The following SYNJ2 variants were observed in gnomAD, a reference collection of about 807,000 sequenced individuals.
The protein encoded by SYNJ2 is synaptojanin 2.
A neutral mutation model predicts 141.3 loss-of-function variants in SYNJ2; 116 were observed. The observed-to-expected ratio is 0.82, with a 90% CI of 0.71 to 0.96. The LOEUF is 0.96. Among genes scored for constraint, SYNJ2 ranks in the 40% least tolerant of loss-of-function variants. SYNJ2 has a pLI of 0.00. For synonymous variants in SYNJ2, 745 were observed against 777.7 expected, an observed-to-expected ratio of 0.96 and a Z score of 0.70; for missense variants, 1,873 against 1,934.8, an observed-to-expected ratio of 0.97 and a Z score of 0.60.
At chr6:158,013,974 A>G (rs917191797) in intron 1 of SYNJ2, among the ~76,000 whole-genome samples, 5 of 152,230 alleles carry the variant, frequency 3.3e-5, no homozygotes, top group African/African-American at 1.2e-4. Flanking sequence ...AACACTGTAC[A>G]GATGATTCCT....
chr6:158,051,710 G>A (rs1363396225), intron 5 of SYNJ2, among the ~76,000 whole-genome samples: 1 of 151,720 alleles, frequency 6.6e-6, no homozygotes, highest in East Asian at 1.9e-4. Context: ...ACTTTGAGAG[G>A]CCGAGGTGGG....
At chr6:158,052,003 CCTT>C (rs1375429435) in intron 5 of SYNJ2, among the ~76,000 whole-genome samples, 1 of 151,628 alleles carries the variant, frequency 6.6e-6, no homozygotes, top group Admixed American at 6.6e-5. Context: ...GAAAAGGAAA[CCTT>C]CTCCAAGGAA....
At chr6:158,006,212 C>A (rs1778065781) in intron 1 of SYNJ2, among the ~76,000 whole-genome samples, 1 of 152,158 alleles carries the variant, frequency 6.6e-6, no homozygotes. Flanking sequence ...CACACGCACA[C>A]ACATGCGCAC....
chr6:157,988,285 C>T (rs979167659), intron 1 of SYNJ2, among the ~76,000 whole-genome samples: 10 of 152,154 alleles, frequency 6.6e-5, no homozygotes, highest in Non-Finnish European at 2.9e-5. Context: ...TGGGGGAAGT[C>T]GGGGAAGAGA....
intron 2 of SYNJ2, chr6:158,028,385 G>T: frequency 4.1e-6 from 1 of 246,536 alleles, no homozygotes; most frequent in Non-Finnish European, 8.0e-6. Context: ...GGTAGGTCCT[G>T]GGGGTCTGGA....
intron 2 of SYNJ2, among the ~76,000 whole-genome samples, chr6:158,018,594 G>A (rs1045437720): frequency 5.3e-5 from 8 of 152,168 alleles, no homozygotes; most frequent in Admixed American, 1.3e-4. Flanking sequence ...GAACTGTGAC[G>A]ATTACAGTGA....
chr6:158,095,148 CA>C (rs776140659), intron 26 of SYNJ2, among the ~76,000 whole-genome samples: 1,802 of 113,436 alleles, frequency 0.016, 7 homozygotes, highest in Admixed American at 0.023. Context: ...GACTCCTTCT[CA>C]AAAAAAAAAA....
In SYNJ2 at chr6:158,095,546, A is replaced by G. The variant is rs115253608; in HGVS notation, c.3745-72A>G. The G allele has an allele frequency of 4.1e-4, 610 of 1,503,154 alleles. 2 individuals are homozygous for G. In the African/African-American group the frequency reaches 7.5e-3, roughly 18 times the overall value. 93.1% of individuals were successfully genotyped at this position (1,503,154 alleles called of 1,614,324 possible). A position where few individuals can be genotyped will look rare whatever the true frequency, so the allele number is the denominator to read the frequency against. On this transcript the variant is annotated intron_variant, in intron 26 of 26. Coordinates refer to ENST00000355585, the MANE Select transcript of SYNJ2 (RefSeq NM_003898.4). ...GTCTCATCTCTGTTCTCTGCTGGCCACTCTGTTCTCTGATCCTCAGCTGCC... is the reference window on the plus strand; with the variant it reads ...GTCTCATCTCTGTTCTCTGCTGGCCGCTCTGTTCTCTGATCCTCAGCTGCC...
intron 14 of SYNJ2, among the ~76,000 whole-genome samples, 175 bp downstream of exon 14, chr6:158,069,848 T>G (rs936330870): frequency 2.6e-5 from 4 of 152,198 alleles, no homozygotes; most frequent in African/African-American, 9.7e-5. Flanking sequence ...AATAGAATAT[T>G]GTCTAGCGAT....
At chr6:158,091,507 G>A (rs1783448656) in intron 25 of SYNJ2, among the ~76,000 whole-genome samples, 2 of 151,618 alleles carry the variant, frequency 1.3e-5, no homozygotes, top group Admixed American at 6.6e-5. Context: ...CCAGCGCTTT[G>A]GGAGGCCGAG....
In SYNJ2 at chr6:158,093,059, C is replaced by G; in HGVS notation, c.3699C>G (p.Pro1233=). The change falls in exon 26 of 27, where the codon CCC becomes CCG. Residue 1233 remains proline, a synonymous_variant. Coordinates refer to ENST00000355585, the MANE Select transcript of SYNJ2 (RefSeq NM_003898.4). ...CACTCCTTCCCCGTCGGCCCCCACCCAGAGTTCCTGCCATCAAGAAGCCAA... is the reference window on the plus strand; with the variant it reads ...CACTCCTTCCCCGTCGGCCCCCACCGAGAGTTCCTGCCATCAAGAAGCCAA... The part of the protein sequence containing the change: ...APPLLPRRPP[P]RVPAIKKPTL... The G allele has an allele frequency of 6.2e-7, 1 of 1,608,288 alleles. No homozygotes were observed. The highest frequency in any genetic ancestry group is 8.5e-7 in the Non-Finnish European group (1 of 1,178,634).
rs1562412175 is a variant in SYNJ2, at chr6:158,092,944, TA to T, written c.3586del (p.Ser1196ValfsTer48). Reference sequence around the variant, plus strand: ...GTTTCAGGTGCCTCCGAAGAAGCCCTAAGTGCCGTGGCCCCAAGGGACCTTG... The same window carrying T: ...GTTTCAGGTGCCTCCGAAGAAGCCCTAGTGCCGTGGCCCCAAGGGACCTTG... ...EARGGASEEA[L>X]SAVAPRDLEA... On this transcript the variant is annotated frameshift_variant, in exon 26 of 27. Transcript: ENST00000355585. LOFTEE classifies it high-confidence loss of function. The T allele has an allele frequency of 1.3e-6, 2 of 1,594,256 alleles. No homozygotes were observed. The highest frequency in any genetic ancestry group is 3.8e-5 in the Admixed American group (2 of 52,102).
chr6:158,092,370 G>A (rs1783518985), intron 25 of SYNJ2, among the ~76,000 whole-genome samples: 1 of 152,218 alleles, frequency 6.6e-6, no homozygotes, highest in Admixed American at 6.5e-5. Flanking sequence ...GCTGGGTGCG[G>A]TGGCTCACGC....
intron 2 of SYNJ2, among the ~76,000 whole-genome samples, chr6:158,019,174 T>C (rs1220645365): frequency 6.6e-6 from 1 of 152,250 alleles, no homozygotes; most frequent in Non-Finnish European, 1.5e-5. Context: ...CAGCTGCTTT[T>C]GGTCCTTACA....
chr6:157,983,199 A>C (rs990431798), intron 1 of SYNJ2, among the ~76,000 whole-genome samples: 1 of 152,202 alleles, frequency 6.6e-6, no homozygotes, highest in African/African-American at 2.4e-5. Context: ...TGGAAGGACT[A>C]TCTCTCCTAT....
At position 158,095,939 on chromosome 6, in the gene SYNJ2, C is replaced by T; in HGVS notation, c.4066C>T (p.Leu1356Phe). Residue 1356 changes from leucine (L) to phenylalanine (F), a missense_variant, in exon 27 of 27, where the codon CTC becomes TTC. Leu to Phe is a conservative substitution (Grantham distance 22). Transcript: ENST00000355585. ...GGTCCTGCAGAGCAACAGCCAGCTT[C>T]TCCAGGGCCTCACTTACAATAGCAG... ...LQVLQSNSQL[L>F]QGLTYNSSDS... is the part of the protein sequence containing the mutation. 1 of 1,614,158 alleles carries T rather than the reference C, an allele frequency of 6.2e-7. No homozygotes were observed. The highest frequency in any genetic ancestry group is 1.3e-5 in the African/African-American group (1 of 75,064).
intron 1 of SYNJ2, among the ~76,000 whole-genome samples, chr6:158,001,903 C>A (rs1010299766): frequency 1.3e-5 from 2 of 152,076 alleles, no homozygotes; most frequent in African/African-American, 2.4e-5. Context: ...ATTAAGAAAC[C>A]CTCTCTTGAC....
chr6:157,989,528 CT>C (rs1278933498), intron 1 of SYNJ2, among the ~76,000 whole-genome samples: 2 of 149,676 alleles, frequency 1.3e-5, no homozygotes, highest in African/African-American at 4.9e-5. Flanking sequence ...CTGACATACA[CT>C]TTTGATCGAG....
Position 158,083,598 on chromosome 6 carries a change from G to A in SYNJ2, c.3034+1G>A, listed in dbSNP as rs1255426735. ...ACAAGTTTGGACTATGAGTCAGAAGGTTAGTGACCCTGCAGGGAGGGACAG... is the reference window on the plus strand; with the variant it reads ...ACAAGTTTGGACTATGAGTCAGAAGATTAGTGACCCTGCAGGGAGGGACAG... On this transcript the variant is annotated splice_donor_variant, in intron 21 of 26. Coordinates refer to ENST00000355585, the MANE Select transcript of SYNJ2 (RefSeq NM_003898.4). LOFTEE classifies it high-confidence loss of function. 2.5e-6 allele frequency: 4 copies of A among 1,614,084 alleles called. 1 individual carries two copies. The Middle Eastern group carries it at 4.9e-4, about 200-fold the overall frequency.
Sources: allele counts gnomAD v4.1 joint callset (sites outside exome capture counted in the v4.1 genomes callset), GRCh38; gene constraint gnomAD v4.1.1; transcripts MANE v1.5; gene names NCBI Gene and HGNC (gene_info 2026-07-23, HGNC 2026-07-21).